RANBP2: variants seen among roughly 807,000 people sequenced by gnomAD.
The protein encoded by RANBP2 is RAN binding protein 2.
RANBP2 carries 57 observed loss-of-function variants against 303.6 expected under a neutral mutation model. The observed-to-expected ratio is 0.19, with a 90% CI of 0.15 to 0.23. The LOEUF (loss-of-function observed/expected upper bound fraction) is 0.23, where lower values mean the gene tolerates loss of function less well. RANBP2 is among the 10% of genes least tolerant of loss of function. RANBP2 has a pLI of 1.00. For synonymous variants in RANBP2, 1,167 were observed against 1,301.5 expected, an observed-to-expected ratio of 0.90 and a Z score of 2.23; for missense variants, 3,138 against 3,780.8, an observed-to-expected ratio of 0.83 and a Z score of 4.46.
the RANBP2 span, among the ~76,000 whole-genome samples, chr2:109,489,914 T>C: frequency 6.6e-6 from 1 of 152,276 alleles, no homozygotes; most frequent in South Asian, 2.1e-4. Context: ...ATTTTTGTAT[T>C]TTTAGTAGAG....
At chr2:109,371,248 G>A in the RANBP2 span, among the ~76,000 whole-genome samples, 1 of 152,220 alleles carries the variant, frequency 6.6e-6, no homozygotes, top group Non-Finnish European at 1.5e-5. Flanking sequence ...AAATTAGCTG[G>A]GTGTGGTGGC....
chr2:109,197,738 C>A, the RANBP2 span, among the ~76,000 whole-genome samples: 1 of 152,240 alleles, frequency 6.6e-6, no homozygotes, highest in African/African-American at 2.4e-5. Context: ...AGAAGGGTGG[C>A]CCTGGCCCCT....
chr2:109,648,952 C>T, the RANBP2 span, among the ~76,000 whole-genome samples: 7,235 of 152,054 alleles, frequency 0.048, 347 homozygotes, highest in East Asian at 0.2. Context: ...GTCTGCTGTG[C>T]GGAGGATGGA....
the RANBP2 span, among the ~76,000 whole-genome samples, chr2:109,638,988 G>C: frequency 6.6e-6 from 1 of 152,180 alleles, no homozygotes; most frequent in Admixed American, 6.5e-5. Flanking sequence ...AGCAGATGTT[G>C]CTGCTAAGAG....
the RANBP2 span, among the ~76,000 whole-genome samples, chr2:109,276,880 A>G: frequency 2.0e-5 from 3 of 151,850 alleles, no homozygotes; most frequent in African/African-American, 4.8e-5. Context: ...TTCACATGGA[A>G]AAAAAAATGA....
the RANBP2 span, among the ~76,000 whole-genome samples, chr2:109,197,943 A>T: frequency 6.6e-6 from 1 of 152,170 alleles, no homozygotes; most frequent in East Asian, 1.9e-4. Context: ...AGCCTTGGTT[A>T]TTTGGCATCT....
the RANBP2 span, chr2:109,614,432 C>T: frequency 8.7e-7 from 1 of 1,149,958 alleles, no homozygotes; most frequent in Non-Finnish European, 1.1e-6. Context: ...CCGCTGGGAG[C>T]CCGTCGCTAT....
At chr2:109,615,666 C>G in the RANBP2 span, 6 of 1,614,036 alleles carry the variant, frequency 3.7e-6, no homozygotes, top group Non-Finnish European at 4.2e-6. Context: ...GATCAAGAAC[C>G]TGGTGGGAGC....
At chr2:109,078,085 TATA>T in the RANBP2 span, among the ~76,000 whole-genome samples, 824 of 11,428 alleles carry the variant, frequency 0.072, 41 homozygotes, top group South Asian at 0.23. Context: ...TGAATATATA[TATA>T]TATATATATA....
chr2:109,532,837 C>T, the RANBP2 span, among the ~76,000 whole-genome samples: 7 of 152,316 alleles, frequency 4.6e-5, no homozygotes, highest in Admixed American at 2.6e-4. Context: ...GCCTCCTCTA[C>T]CCTTTGGGCA....
the RANBP2 span, among the ~76,000 whole-genome samples, chr2:109,675,472 A>G: frequency 6.6e-6 from 1 of 152,162 alleles, no homozygotes; most frequent in Non-Finnish European, 1.5e-5. Context: ...GTCTGAGGTC[A>G]GGAGTTGGAG....
chr2:109,031,935 T>C, the RANBP2 span, among the ~76,000 whole-genome samples: 6 of 108,478 alleles, frequency 5.5e-5, no homozygotes, highest in Admixed American at 5.1e-4. Flanking sequence ...CCGTTCACTC[T>C]CTTTGACCTT....
Position 108,764,305 on chromosome 2 carries a change from C to G in RANBP2, c.3766C>G (p.Pro1256Ala). The change falls in exon 20 of 29, where the codon CCA (proline) becomes GCA (alanine). Residue 1256 changes from proline to alanine, a missense_variant. Pro to Ala is a conservative substitution (Grantham distance 27, BLOSUM62 -1). Around this residue, in one of 20 missense-constraint regions of RANBP2, gnomAD observed 72 missense variants for 119.5 expected, o/e 0.60. Coordinates refer to ENST00000283195, the MANE Select transcript of RANBP2 (RefSeq NM_006267.5). ...HYISPDMKLTPNAGSDRSFVW... is the reference protein window; with the variant it reads ...HYISPDMKLTANAGSDRSFVW... ...CATCAGTCCAGATATGAAATTGACACCAAATGCTGGATCAGACAGATCTTT... is the reference window on the plus strand; with the variant it reads ...CATCAGTCCAGATATGAAATTGACAGCAAATGCTGGATCAGACAGATCTTT... The G allele has an allele frequency of 6.2e-7, 1 of 1,613,752 alleles. No homozygotes were observed. Among genetic ancestry groups the G allele is most frequent in the Non-Finnish European group, 8.5e-7 (1 of 1,179,948 alleles).
rs1423690499 is a variant in RANBP2, at chr2:108,745,465, T to C, written c.976-1246T>C. 6.8e-4 allele frequency among the ~76,000 whole-genome samples: 101 copies of C among 149,260 alleles called. 2 individuals are homozygous for C. Among genetic ancestry groups the C allele is most frequent in the Middle Eastern group, 3.4e-3 (1 of 292 alleles). On this transcript the variant is annotated intron_variant, in intron 7 of 28. Transcript: ENST00000283195. Reference sequence around the variant, plus strand: ...TGGTTTGGCTCTTGGTACTTCCTTATATAGAATAAAAATATTCTTCAAGCC... The same window carrying C: ...TGGTTTGGCTCTTGGTACTTCCTTACATAGAATAAAAATATTCTTCAAGCC...
chr2:109,333,713 T>C, the RANBP2 span, among the ~76,000 whole-genome samples: 1 of 152,204 alleles, frequency 6.6e-6, no homozygotes. Flanking sequence ...GAAACCAAAC[T>C]GCTAGAGTTT....
At position 108,740,638 on chromosome 2, in the gene RANBP2, C is replaced by T. The variant is rs764509760; in HGVS notation, c.932C>T (p.Ala311Val). ...GQHSSNVQWRALSELAALCYL... is the reference protein window; with the variant it reads ...GQHSSNVQWRVLSELAALCYL... ...CATAGTAGTAATGTTCAATGGCGAG[C>T]TCTTTCTGAGCTGGCTGCATTGTGC... The change falls in exon 7 of 29, where the codon GCT (alanine) becomes GTT (valine). Residue 311 changes from alanine (A) to valine (V), a missense_variant. Ala to Val is a moderately conservative substitution (Grantham distance 64). This residue lies in a region of RANBP2 where 306 missense variants were observed against 381.9 expected (regional missense o/e 0.80). Transcript: ENST00000283195. 1.8e-5 allele frequency: 29 copies of T among 1,597,388 alleles called. No homozygotes were observed. The highest frequency in any genetic ancestry group is 2.4e-5 in the Non-Finnish European group (28 of 1,179,776).
At chr2:108,759,907 C>G (rs919960979) in intron 18 of RANBP2, among the ~76,000 whole-genome samples, 21 of 152,148 alleles carry the variant, frequency 1.4e-4, no homozygotes, top group Non-Finnish European at 2.6e-4. Context: ...TTCTCATTGT[C>G]TCATTTTATT....
the RANBP2 span, among the ~76,000 whole-genome samples, chr2:109,143,091 C>T: frequency 4.6e-5 from 7 of 152,032 alleles, no homozygotes; most frequent in Non-Finnish European, 8.8e-5. Context: ...GTGTGGGGGG[C>T]CTGCCATGAT....
At chr2:109,427,933 G>A in the RANBP2 span, among the ~76,000 whole-genome samples, 8 of 152,238 alleles carry the variant, frequency 5.3e-5, no homozygotes, top group Admixed American at 6.5e-5. Context: ...ACGCTCCTCT[G>A]AGCATCTGCA....
Sources: gnomAD v4.1 joint callset for allele counts (sites outside exome capture counted in the v4.1 genomes callset) on GRCh38, gnomAD v4.1.1 for gene constraint, gnomAD v4.1.1 regional missense constraint, MANE v1.5 for transcripts, NCBI Gene and HGNC (gene_info 2026-07-23, HGNC 2026-07-21) for gene names.